PIWIL4: variants seen among roughly 807,000 people sequenced by gnomAD.
PIWIL4 encodes the protein piwi like RNA-mediated gene silencing 4.
A neutral mutation model predicts 100.9 loss-of-function variants in PIWIL4; 50 were observed. The observed-to-expected ratio is 0.50, with a 90% CI of 0.39 to 0.63. PIWIL4 has a LOEUF of 0.63. Ranked by LOEUF, PIWIL4 falls within the 20% of genes least tolerant of loss-of-function variation. The pLI is 0.00. For missense variants in PIWIL4, 887 were observed against 1,043.3 expected, an observed-to-expected ratio of 0.85 and a Z score of 2.06; for synonymous variants, 342 against 367.5, an observed-to-expected ratio of 0.93 and a Z score of 0.79.
At chr11:94,619,701 A>G (rs373564943) in intron 17 of PIWIL4, 59 bp from the exon 18 acceptor site, 1 of 1,496,924 alleles carries the variant, frequency 6.7e-7, no homozygotes, top group South Asian at 1.3e-5. Context: ...TTACACAAAA[A>G]TAGAAAGCTA....
chr11:94,581,306 C>A (rs781035270), intron 4 of PIWIL4, among the ~76,000 whole-genome samples: 5 of 152,062 alleles, frequency 3.3e-5, no homozygotes, highest in Non-Finnish European at 7.4e-5. Flanking sequence ...TGATGAAAGG[C>A]AAGAATATTT....
At chr11:94,606,897 T>A (rs1228322586) in intron 13 of PIWIL4, among the ~76,000 whole-genome samples, 1 of 151,752 alleles carries the variant, frequency 6.6e-6, no homozygotes, top group Non-Finnish European at 1.5e-5. Flanking sequence ...ATATCCATAC[T>A]CTCAACTTCA....
intron 10 of PIWIL4, among the ~76,000 whole-genome samples, chr11:94,597,166 A>G (rs1165036650): frequency 6.6e-6 from 1 of 152,240 alleles, no homozygotes; most frequent in Non-Finnish European, 1.5e-5. Context: ...TGATATTAAT[A>G]TTCTCCTCAT....
At chr11:94,617,743 C>A in intron 16 of PIWIL4, 1 of 496,602 alleles carries the variant, frequency 2.0e-6, no homozygotes. Context: ...GCCATAGAAA[C>A]CATTGTGATT....
At chr11:94,582,887 G>A (rs796495397) in intron 4 of PIWIL4, among the ~76,000 whole-genome samples, 9 of 151,648 alleles carry the variant, frequency 5.9e-5, no homozygotes, top group African/African-American at 2.2e-4. Context: ...CTTGTTCTCT[G>A]CTCTTCTACA....
chr11:94,582,223 CATCCTTTGTTGTCTTA>C (rs1348508655), intron 4 of PIWIL4, among the ~76,000 whole-genome samples: 3 of 152,088 alleles, frequency 2.0e-5, no homozygotes, highest in African/African-American at 7.2e-5. Context: ...AGGATTAAGA[CATCCTTTGTTGTCTTA>C]ATCCTTTGTT....
intron 16 of PIWIL4, 165 bp from the exon 17 acceptor site, chr11:94,617,788 AG>A: frequency 1.5e-6 from 1 of 645,860 alleles, no homozygotes; most frequent in Non-Finnish European, 2.7e-6. Context: ...TGCTCCCTAA[AG>A]TTATCCATTG....
intron 1 of PIWIL4, 150 bp from the exon 2 acceptor site, chr11:94,568,580 C>T: frequency 1.9e-6 from 1 of 512,886 alleles, no homozygotes; most frequent in Non-Finnish European, 3.5e-6. Context: ...AGAATGGGCA[C>T]TCTCTTCTCA....
At chr11:94,598,265 T>C (rs997052284) in intron 11 of PIWIL4, among the ~76,000 whole-genome samples, 1 of 152,234 alleles carries the variant, frequency 6.6e-6, no homozygotes, top group Non-Finnish European at 1.5e-5. Context: ...TCTAATAGAT[T>C]GTTTTCTGAT....
rs1054510575 is a variant in PIWIL4, at chr11:94,573,240, A to G, written c.167-1759A>G. Among the ~76,000 whole-genome samples the G allele has an allele frequency of 2.6e-5, 4 of 152,288 alleles. No homozygotes were observed. In the South Asian group the frequency reaches 8.3e-4, roughly 32 times the overall value. ...ACAGTCATGTCATCTGCAAACGGAG[A>G]CAATTTGACTTCCTCTTTTCCTAAT... On this transcript the variant is annotated intron_variant, in intron 2 of 19. Transcript: ENST00000299001.
chr11:94,608,518 A>G, intron 14 of PIWIL4, 65 bp from the exon 15 acceptor site: 1 of 1,416,788 alleles, frequency 7.1e-7, no homozygotes, highest in Admixed American at 1.7e-5. Context: ...AAACTTTCCT[A>G]TTAAACCATT....
At chr11:94,617,525 C>G (rs1314981290) in intron 16 of PIWIL4, among the ~76,000 whole-genome samples, 1 of 152,074 alleles carries the variant, frequency 6.6e-6, no homozygotes, top group Non-Finnish European at 1.5e-5. Flanking sequence ...TTCAGAGGAA[C>G]AGCAAAGCCA....
At position 94,567,405 on chromosome 11, in the gene PIWIL4, A is replaced by G; in HGVS notation, c.-114A>G. 1 of 967,566 alleles carries G rather than the reference A, an allele frequency of 1.0e-6. No individual in the cohort carries two copies. The highest frequency in any genetic ancestry group is 1.5e-6 in the Non-Finnish European group (1 of 688,052). 59.9% of individuals were successfully genotyped at this position (967,566 alleles called of 1,614,324 possible). ...CCGGCGTTGGTTGTGGATGCTGGACATCCACCGCCTCCAGGCAGTTTCGCC... is the reference window on the plus strand; with the variant it reads ...CCGGCGTTGGTTGTGGATGCTGGACGTCCACCGCCTCCAGGCAGTTTCGCC... On this transcript the variant is annotated 5_prime_UTR_variant, in exon 1 of 20. Transcript: ENST00000299001.
chr11:94,570,948 T>C (rs984696328), intron 2 of PIWIL4, among the ~76,000 whole-genome samples: 2 of 152,144 alleles, frequency 1.3e-5, no homozygotes, highest in Non-Finnish European at 2.9e-5. Context: ...TCTCTTTTGT[T>C]CTGACCCCGG....
chr11:94,571,987 G>T (rs919310275), intron 2 of PIWIL4, among the ~76,000 whole-genome samples: 1 of 152,184 alleles, frequency 6.6e-6, no homozygotes, highest in African/African-American at 2.4e-5. Flanking sequence ...ATTCTAACTG[G>T]TGTGAGATGG....
intron 6 of PIWIL4, among the ~76,000 whole-genome samples, chr11:94,586,794 T>A (rs983454656): frequency 4.6e-5 from 7 of 152,182 alleles, no homozygotes; most frequent in African/African-American, 1.7e-4. Flanking sequence ...AACAAAGAAT[T>A]ATCCAGTTCA....
chr11:94,568,783 G>A lies in PIWIL4; in HGVS notation c.141G>A (p.Leu47=). 5 of 1,608,486 alleles carry A rather than the reference G, an allele frequency of 3.1e-6. No homozygotes were observed. The highest frequency in any genetic ancestry group is 4.3e-6 in the Non-Finnish European group (5 of 1,174,966). The change falls in exon 2 of 20, where the codon TTG becomes TTA. Residue 47 remains leucine, a synonymous_variant. Coordinates refer to ENST00000299001, the MANE Select transcript of PIWIL4 (RefSeq NM_152431.3). ...AAGCATCCTCTAGCAATGGCTTCTTGGGAACAAGCAGGATCTCAACCAACG... is the reference window on the plus strand; with the variant it reads ...AAGCATCCTCTAGCAATGGCTTCTTAGGAACAAGCAGGATCTCAACCAACG... ...NNEASSSNGF[L]GTSRISTNDK...
chr11:94,595,506 G>A, intron 10 of PIWIL4, 80 bp downstream of exon 10: 1 of 1,087,042 alleles, frequency 9.2e-7, no homozygotes. Flanking sequence ...TATATTCCTT[G>A]AAGGAAATGT....
In PIWIL4 at chr11:94,607,656, A is replaced by G; in HGVS notation, c.1839+17A>G. 3 of 1,598,680 alleles carry G rather than the reference A, an allele frequency of 1.9e-6. No individual in the cohort carries two copies. Among genetic ancestry groups the G allele is most frequent in the Non-Finnish European group, 2.6e-6 (3 of 1,170,882 alleles). On this transcript the variant is annotated intron_variant, in intron 14 of 19. Transcript: ENST00000299001. ...GAAATACCTGTAAGGACCCTGTCAC[A>G]TTTTTTCTATTAGTAATTAATAAAT... is the stretch of plus-strand genomic sequence containing the variant.
Sources: allele counts gnomAD v4.1 joint callset (sites outside exome capture counted in the v4.1 genomes callset), GRCh38; gene constraint gnomAD v4.1.1; transcripts MANE v1.5; gene names NCBI Gene and HGNC (gene_info 2026-07-23, HGNC 2026-07-21).